The following GRM8 variants were observed in gnomAD, a reference collection of about 807,000 sequenced individuals.
GRM8 encodes glutamate metabotropic receptor 8.
A neutral mutation model predicts 87.2 loss-of-function variants in GRM8; 47 were observed. The observed-to-expected ratio is 0.54, with a 90% CI of 0.43 to 0.69. GRM8 has a LOEUF of 0.69. GRM8 is among the 30% of genes least tolerant of loss of function. The pLI, the probability that GRM8 is intolerant of heterozygous loss-of-function variation, is 0.00. For missense variants in GRM8, 1,019 were observed against 1,139.2 expected (o/e 0.89, Z 1.52); for synonymous variants, 396 against 404.5 (o/e 0.98, Z 0.25).
At chr7:127,220,662 A>C (rs1441899294) in intron 2 of GRM8, among the ~76,000 whole-genome samples, 1 of 151,994 alleles carries the variant, frequency 6.6e-6, no homozygotes, top group African/African-American at 2.4e-5. Context: ...TTTTAAAAAA[A>C]AAAAATTGTA....
chr7:126,527,388 T>C (rs750687225), intron 9 of GRM8, among the ~76,000 whole-genome samples: 2 of 152,116 alleles, frequency 1.3e-5, no homozygotes, highest in African/African-American at 2.4e-5. Context: ...GAAAATGGTA[T>C]ATAGTTTACC....
chr7:126,524,226 C>G (rs955765417), intron 9 of GRM8, among the ~76,000 whole-genome samples: 1 of 152,170 alleles, frequency 6.6e-6, no homozygotes, highest in Non-Finnish European at 1.5e-5. Flanking sequence ...GCCTTACTGT[C>G]TCATATCTGA....
chr7:127,176,161 C>T (rs1794091476), intron 2 of GRM8, among the ~76,000 whole-genome samples: 1 of 151,740 alleles, frequency 6.6e-6, no homozygotes, highest in Non-Finnish European at 1.5e-5. Flanking sequence ...AAACTCTAGA[C>T]CACTATTAAA....
At chr7:126,646,238 GA>G (rs1376114213) in intron 7 of GRM8, among the ~76,000 whole-genome samples, 1 of 144,634 alleles carries the variant, frequency 6.9e-6, no homozygotes. Flanking sequence ...GAGAGAAGAA[GA>G]AAAGGAAGAG....
chr7:126,709,438 G>GGAGGAAGAA (rs546422813), intron 7 of GRM8, among the ~76,000 whole-genome samples: 1 of 151,594 alleles, frequency 6.6e-6, no homozygotes, highest in Non-Finnish European at 1.5e-5. Flanking sequence ...AGGAGGAGGA[G>GGAGGAAGAA]GAGGAAGAAG....
chr7:126,561,697 A>G (rs914267133), intron 8 of GRM8, among the ~76,000 whole-genome samples: 1 of 151,672 alleles, frequency 6.6e-6, no homozygotes, highest in South Asian at 2.1e-4. Flanking sequence ...ACATATGTAT[A>G]CATGTGCCAT....
intron 6 of GRM8, among the ~76,000 whole-genome samples, chr7:126,792,757 C>A (rs964932785): frequency 6.6e-6 from 1 of 152,126 alleles, no homozygotes; most frequent in African/African-American, 2.4e-5. Flanking sequence ...TTCACTTTGT[C>A]GAAGCTGTTT....
intron 6 of GRM8, among the ~76,000 whole-genome samples, chr7:126,882,084 C>G (rs964933734): frequency 2.0e-5 from 3 of 152,172 alleles, no homozygotes; most frequent in African/African-American, 7.2e-5. Context: ...GATGCCATTC[C>G]TCTTCCTTCC....
Position 126,729,411 on chromosome 7 carries a change from A to G in GRM8, c.1357+40454T>C, listed in dbSNP as rs932386734. ...GGAAGATAACTATCTCAGCTTCCTT[A>G]CCCCTTGGGTGGAAAAATTAAGGCC... On this transcript the variant is annotated intron_variant, in intron 7 of 10. Coordinates refer to ENST00000339582, the MANE Select transcript of GRM8 (RefSeq NM_000845.3). Among the ~76,000 whole-genome samples the G allele has an allele frequency of 2.6e-5, 4 of 152,160 alleles. No individual in the cohort carries two copies. In the East Asian group the frequency reaches 7.8e-4, roughly 30 times the overall value.
chr7:126,736,237 G>A (rs879891207), intron 7 of GRM8, among the ~76,000 whole-genome samples: 6 of 151,880 alleles, frequency 4.0e-5, no homozygotes, highest in South Asian at 2.1e-4. Context: ...ACACATGTAC[G>A]GTCTCTTCTC....
chr7:126,549,618 G>A (rs922308036), intron 8 of GRM8, among the ~76,000 whole-genome samples: 4 of 152,078 alleles, frequency 2.6e-5, no homozygotes, highest in Middle Eastern at 3.2e-3. Flanking sequence ...AAAAAGAAGC[G>A]TAATACTTTT....
At chr7:126,796,419 A>C (rs1330345369) in intron 6 of GRM8, among the ~76,000 whole-genome samples, 1 of 152,124 alleles carries the variant, frequency 6.6e-6, no homozygotes, top group Non-Finnish European at 1.5e-5. Context: ...CTTCTTTAAA[A>C]TGTGGTGTTT....
At chr7:126,536,878 A>T (rs1383468869) in intron 8 of GRM8, among the ~76,000 whole-genome samples, 1 of 152,154 alleles carries the variant, frequency 6.6e-6, no homozygotes, top group African/African-American at 2.4e-5. Context: ...GCAAAAAAAA[A>T]TTGGAAACAT....
chr7:126,943,616 T>C (rs1807211873), intron 3 of GRM8, among the ~76,000 whole-genome samples: 1 of 152,230 alleles, frequency 6.6e-6, no homozygotes, highest in Non-Finnish European at 1.5e-5. Flanking sequence ...CATTTGTCTT[T>C]AACAGGAAGG....
intron 3 of GRM8, among the ~76,000 whole-genome samples, chr7:127,059,342 T>G (rs534804803): frequency 0.021 from 3,178 of 149,898 alleles, 46 homozygotes; most frequent in African/African-American, 0.045. Context: ...TTTTTTTTTT[T>G]TTTGTTTTTT....
At chr7:126,967,485 C>A (rs146122305) in intron 3 of GRM8, among the ~76,000 whole-genome samples, 76 of 152,060 alleles carry the variant, frequency 5.0e-4, no homozygotes, top group African/African-American at 1.6e-3. Flanking sequence ...TAACAGTAAT[C>A]TGTGCAAGAA....
At chr7:126,596,666 T>C (rs1409197367) in intron 8 of GRM8, among the ~76,000 whole-genome samples, 1 of 152,176 alleles carries the variant, frequency 6.6e-6, no homozygotes, top group Non-Finnish European at 1.5e-5. Flanking sequence ...TTTACTGTGG[T>C]AGCACATACG....
intron 7 of GRM8, among the ~76,000 whole-genome samples, chr7:126,714,278 AAATAATAATAAT>A (rs143180604): frequency 0.013 from 1,727 of 137,030 alleles, 35 homozygotes; most frequent in African/African-American, 0.017. Flanking sequence ...ACTCCATCTC[AAATAATAATAAT>A]AATAATAATA....
At chr7:126,589,161 C>G (rs1244155001) in intron 8 of GRM8, among the ~76,000 whole-genome samples, 1 of 152,174 alleles carries the variant, frequency 6.6e-6, no homozygotes, top group African/African-American at 2.4e-5. Flanking sequence ...CAGACACAGG[C>G]AGGCAAGGAG....
Sources: allele counts gnomAD v4.1 joint callset (sites outside exome capture counted in the v4.1 genomes callset), GRCh38; gene constraint gnomAD v4.1.1; transcripts MANE v1.5; gene names NCBI Gene and HGNC (gene_info 2026-07-23, HGNC 2026-07-21).